The following S100A10 variants were observed in gnomAD, a reference collection of about 807,000 sequenced individuals.
The protein encoded by S100A10 is protein S100-A10.
Under a neutral mutation model 7.1 loss-of-function variants are expected in S100A10, and 3 were observed. The observed-to-expected ratio is 0.42, with a 90% CI of 0.19 to 1.10. The LOEUF (loss-of-function observed/expected upper bound fraction) is 1.10. Ranked by LOEUF, S100A10 falls within the 50% of genes least tolerant of loss-of-function variation. The probability of loss-of-function intolerance (pLI) is 0.29; values close to 1 mark genes in which losing one functional copy is unlikely to be tolerated. For missense variants in S100A10, 101 were observed against 118.1 expected, an observed-to-expected ratio of 0.86 and a Z score of 0.67; for synonymous variants, 41 against 39.3, an observed-to-expected ratio of 1.04 and a Z score of -0.16.
chr1:151,987,295 C>T (rs748062461), intron 1 of S100A10, among the ~76,000 whole-genome samples: 5 of 150,510 alleles, frequency 3.3e-5, no homozygotes, highest in East Asian at 4.0e-4. Flanking sequence ...CCACTGCGCC[C>T]GGCCCAGTGT....
intron 1 of S100A10, among the ~76,000 whole-genome samples, chr1:151,987,538 CTTTTT>C (rs11383937): frequency 8.6e-6 from 1 of 116,310 alleles, no homozygotes. Context: ...TATATGTATT[CTTTTT>C]TTTTTTTTTT....
At chr1:151,986,876 C>G (rs1166736272) in intron 1 of S100A10, among the ~76,000 whole-genome samples, 4 of 152,116 alleles carry the variant, frequency 2.6e-5, no homozygotes, top group African/African-American at 9.7e-5. Flanking sequence ...AAGAACCAGT[C>G]CACCCCAGTT....
At chr1:151,985,576 G>T (rs1459445533) in intron 2 of S100A10, among the ~76,000 whole-genome samples, 1 of 152,096 alleles carries the variant, frequency 6.6e-6, no homozygotes, top group African/African-American at 2.4e-5. Flanking sequence ...ATTAGAAAAA[G>T]AAAAAACAAT....
chr1:151,986,117 C>T lies in S100A10; in HGVS notation c.114G>A (p.Glu38=). 1 of 1,596,318 alleles carries T rather than the reference C, an allele frequency of 6.3e-7. No individual in the cohort carries two copies. Among genetic ancestry groups the T allele is most frequent in the Non-Finnish European group, 8.5e-7 (1 of 1,174,986 alleles). The change falls in exon 2 of 3, where the codon GAG becomes GAA. Residue 38 remains glutamate, a synonymous_variant. Coordinates refer to ENST00000368811, the MANE Select transcript of S100A10 (RefSeq NM_002966.3). ...CACTTACTTCCAAAAATCCAGGGAA[C>T]TCCTTTTCCATGAGTACTCTCAGGT... ...KEDLRVLMEK[E]FPGFLENQKD...
rs1004643083 is a variant in S100A10 at position 151,993,161 on chromosome 1, C to A, written c.-22+591G>T. Among the ~76,000 whole-genome samples, 9 of 152,178 alleles carry A rather than the reference C, an allele frequency of 5.9e-5. No homozygotes were observed. Among genetic ancestry groups the A allele is most frequent in the Non-Finnish European group, 1.0e-4 (7 of 68,040 alleles). ...GAAAGAAAACAAGTGGACCTCCCTC[C>A]CTCAGCAGGAAGACCCTTTCCGTCG... On this transcript the variant is annotated intron_variant, in intron 1 of 2. Transcript: ENST00000368811. The surrounding 1 kb of genome is among the most constrained non-coding windows in gnomAD (Gnocchi z 5.1).
At chr1:151,987,258 G>A (rs1175727493) in intron 1 of S100A10, among the ~76,000 whole-genome samples, 4 of 151,634 alleles carry the variant, frequency 2.6e-5, no homozygotes, top group African/African-American at 7.3e-5. Context: ...CGCCCACCTC[G>A]GCCTCCCAAA....
At chr1:151,992,882 G>GA (rs1422260104) in intron 1 of S100A10, among the ~76,000 whole-genome samples, 1 of 1,160 alleles carries the variant, frequency 8.6e-4, no homozygotes, top group African/African-American at 2.9e-3. Context: ...AGGCTGGACA[G>GA]GCAGCAGTGT....
chr1:151,990,567 C>T (rs1351627137), intron 1 of S100A10, among the ~76,000 whole-genome samples: 1 of 152,208 alleles, frequency 6.6e-6, no homozygotes, highest in East Asian at 1.9e-4. Context: ...CAATTCTGGA[C>T]TCCACAAATT....
chr1:151,987,178 G>C (rs538152416), intron 1 of S100A10, among the ~76,000 whole-genome samples: 10 of 151,714 alleles, frequency 6.6e-5, no homozygotes, highest in South Asian at 2.1e-4. Context: ...CTAATTTTTT[G>C]TATTTTTAGT....
At chr1:151,989,438 A>C (rs1002962274) in intron 1 of S100A10, among the ~76,000 whole-genome samples, 2 of 152,186 alleles carry the variant, frequency 1.3e-5, no homozygotes, top group Non-Finnish European at 2.9e-5. Flanking sequence ...AGGAGGGAGT[A>C]GCCAGGAGGT....
chr1:151,987,966 C>T (rs1007084090), intron 1 of S100A10, among the ~76,000 whole-genome samples: 11 of 152,304 alleles, frequency 7.2e-5, no homozygotes, highest in African/African-American at 2.6e-4. Context: ...TGAGAAGCAA[C>T]AAGTAATACT....
chr1:151,989,874 G>A (rs1572110232), intron 1 of S100A10, among the ~76,000 whole-genome samples: 1 of 152,368 alleles, frequency 6.6e-6, no homozygotes, highest in East Asian at 1.9e-4. Flanking sequence ...ATTTTGACAG[G>A]AGGGCCTTGG....
At position 151,986,205 on chromosome 1, in the gene S100A10, A is replaced by G; in HGVS notation, c.26T>C (p.Met9Thr). Residue 9 changes from methionine (M) to threonine (T), a missense_variant, in exon 2 of 3, where the codon ATG (methionine) becomes ACG (threonine). Physicochemically the swap from Met to Thr is moderately conservative, Grantham distance 81. Coordinates refer to ENST00000368811, the MANE Select transcript of S100A10 (RefSeq NM_002966.3). ...GTGAAATGTAAACATCATGGTTTCC[A>G]TGGCGTGTTCCATTTGAGATGGCAT... MPSQMEHA[M>T]ETMMFTFHKF... 1 of 1,605,576 alleles carries G rather than the reference A, an allele frequency of 6.2e-7. No homozygotes were observed. Among genetic ancestry groups the G allele is most frequent in the Non-Finnish European group, 8.5e-7 (1 of 1,177,172 alleles).
rs1387334174 is a variant in S100A10, at chr1:151,993,540, G to A, written c.-22+212C>T. Among the ~76,000 whole-genome samples the A allele has an allele frequency of 6.6e-5, 10 of 152,206 alleles. No individual in the cohort carries two copies. The highest frequency in any genetic ancestry group is 1.9e-4 in the African/African-American group (8 of 41,450). The stretch of plus-strand genomic sequence containing the variant: ...CCCCTCCTCTGGTCCGCGTGGGTCT[G>A]GGGGCGGCCGCGCCCGGGCCGGGGA... On this transcript the variant is annotated intron_variant, in intron 1 of 2. Transcript: ENST00000368811. The surrounding 1 kb of genome is among the most constrained non-coding windows in gnomAD (Gnocchi z 5.1).
intron 1 of S100A10, among the ~76,000 whole-genome samples, chr1:151,988,125 T>C (rs1321963519): frequency 6.6e-6 from 1 of 152,146 alleles, no homozygotes; most frequent in East Asian, 1.9e-4. Flanking sequence ...ATCATTACAT[T>C]TGGGTATAAT....
At chr1:151,992,285 A>C (rs1162728273) in intron 1 of S100A10, among the ~76,000 whole-genome samples, 1 of 152,172 alleles carries the variant, frequency 6.6e-6, no homozygotes, top group Admixed American at 6.5e-5. Context: ...CACAACATAA[A>C]ACTCCATTCC....
Position 151,983,175 on chromosome 1 carries a change from CT to C in S100A10, c.281del (p.Lys94ArgfsTer8). On this transcript the variant is annotated frameshift_variant, in exon 3 of 3. Coordinates refer to ENST00000368811, the MANE Select transcript of S100A10 (RefSeq NM_002966.3). LOFTEE classifies it high-confidence loss of function. ...NDYFVVHMKQ[K>X]GKK ...TGCTCATTTCTGCCTACTTCTTTCC[CT>C]TCTGCTTCATGTGTACTACAAAATA... The C allele has an allele frequency of 6.3e-7, 1 of 1,578,810 alleles. No individual in the cohort carries two copies. Among genetic ancestry groups the C allele is most frequent in the African/African-American group, 1.4e-5 (1 of 72,916 alleles).
intron 2 of S100A10, among the ~76,000 whole-genome samples, chr1:151,984,509 C>T (rs150927990): frequency 6.6e-6 from 1 of 152,076 alleles, no homozygotes; most frequent in Non-Finnish European, 1.5e-5. Flanking sequence ...TGCAGTGAGT[C>T]TAGATGTTTC....
chr1:151,989,440 C>T (rs561451868), intron 1 of S100A10, among the ~76,000 whole-genome samples: 2 of 152,248 alleles, frequency 1.3e-5, no homozygotes, highest in African/African-American at 4.8e-5. Flanking sequence ...GAGGGAGTAG[C>T]CAGGAGGTGA....
Sources: allele counts gnomAD v4.1 joint callset (sites outside exome capture counted in the v4.1 genomes callset), GRCh38; gene constraint gnomAD v4.1.1; non-coding constraint Gnocchi (gnomAD v3.1); transcripts MANE v1.5; gene names NCBI Gene and HGNC (gene_info 2026-07-23, HGNC 2026-07-21).